The following SLC49A4 variants were observed in gnomAD, a reference collection of about 807,000 sequenced individuals.
SLC49A4 encodes solute carrier family 49 member 4.
A neutral mutation model predicts 50.6 loss-of-function variants in SLC49A4; 36 were observed. The observed-to-expected ratio is 0.71, with a 90% CI of 0.55 to 0.94. The LOEUF (loss-of-function observed/expected upper bound fraction) is 0.94. SLC49A4 is among the 40% of genes least tolerant of loss of function. The pLI, the probability that SLC49A4 is intolerant of heterozygous loss-of-function variation, is 0.00. For missense variants in SLC49A4, 503 were observed against 605.7 expected, an observed-to-expected ratio of 0.83 and a Z score of 1.78; for synonymous variants, 248 against 241.2, an observed-to-expected ratio of 1.03 and a Z score of -0.26.
At chr3:122,810,896 A>G (rs1270833229) in intron 2 of SLC49A4, among the ~76,000 whole-genome samples, 1 of 152,216 alleles carries the variant, frequency 6.6e-6, no homozygotes, top group Non-Finnish European at 1.5e-5. Flanking sequence ...AAACAGGAAG[A>G]AGAACCTAGA....
Position 122,872,444 on chromosome 3 carries a change from G to A in SLC49A4, c.1168G>A (p.Gly390Arg). ...VTLYASCILL[G>R]VFLNSSVPIF... Reference sequence around the variant, plus strand: ...ATTGTATGCCTCCTGTATTCTCCTGGGAGTGTTCTTGAATAGCAGCGTGCC... The same window carrying A: ...ATTGTATGCCTCCTGTATTCTCCTGAGAGTGTTCTTGAATAGCAGCGTGCC... The change falls in exon 8 of 9, where the codon GGA becomes AGA. Residue 390 changes from glycine (G) to arginine (R), a missense_variant. By Grantham distance (125) the Gly-to-Arg change is moderately radical. Transcript: ENST00000261038. 6.2e-7 allele frequency: 1 copy of A among 1,613,502 alleles called. No homozygotes were observed. The highest frequency in any genetic ancestry group is 1.3e-5 in the African/African-American group (1 of 74,984).
At chr3:122,808,357 A>G (rs1936252490) in intron 2 of SLC49A4, among the ~76,000 whole-genome samples, 1 of 152,224 alleles carries the variant, frequency 6.6e-6, no homozygotes. Flanking sequence ...AGGCGAGGAA[A>G]GGATGGTGAG....
chr3:122,808,440 C>T (rs1936253780), intron 2 of SLC49A4, among the ~76,000 whole-genome samples: 1 of 152,064 alleles, frequency 6.6e-6, no homozygotes, highest in Non-Finnish European at 1.5e-5. Context: ...ATGGATGATG[C>T]AGTATCTAGG....
intron 8 of SLC49A4, among the ~76,000 whole-genome samples, chr3:122,876,930 G>A (rs6780615): frequency 0.51 from 77,672 of 152,080 alleles, 22,028 homozygotes; most frequent in Non-Finnish European, 0.65. Flanking sequence ...GAGACACAGC[G>A]GAAGTATGGG....
intron 2 of SLC49A4, among the ~76,000 whole-genome samples, chr3:122,813,292 C>A (rs187880573): frequency 4.6e-4 from 69 of 150,090 alleles, no homozygotes; most frequent in African/African-American, 1.6e-3. Flanking sequence ...TTGGAAAACT[C>A]TTTTTTTAAC....
chr3:122,843,981 A>G (rs1197161116), intron 4 of SLC49A4, among the ~76,000 whole-genome samples: 1 of 152,100 alleles, frequency 6.6e-6, no homozygotes, highest in African/African-American at 2.4e-5. Context: ...ACTCATTCTC[A>G]TTGTGTACCC....
At chr3:122,819,243 C>CAA (rs777101254) in intron 2 of SLC49A4, among the ~76,000 whole-genome samples, 1,175 of 100,242 alleles carry the variant, frequency 0.012, 24 homozygotes, top group African/African-American at 0.025. Context: ...GACCCTGCCT[C>CAA]AAAAAAAAAA....
At chr3:122,868,836 T>C (rs1937155604) in intron 7 of SLC49A4, among the ~76,000 whole-genome samples, 1 of 152,228 alleles carries the variant, frequency 6.6e-6, no homozygotes, top group Non-Finnish European at 1.5e-5. Flanking sequence ...ACTGAGACAA[T>C]TGAATGAAAA....
At chr3:122,855,414 A>G (rs1178819092) in intron 5 of SLC49A4, among the ~76,000 whole-genome samples, 1 of 152,228 alleles carries the variant, frequency 6.6e-6, no homozygotes, top group East Asian at 1.9e-4. Context: ...AATTTCATTC[A>G]TAACAACTAA....
intron 7 of SLC49A4, among the ~76,000 whole-genome samples, chr3:122,866,204 G>GT (rs34457229): frequency 0.088 from 10,827 of 123,474 alleles, 779 homozygotes; most frequent in African/African-American, 0.19. Context: ...AACTTTCGTT[G>GT]TTTTTTTTTT....
intron 2 of SLC49A4, among the ~76,000 whole-genome samples, chr3:122,825,951 T>C (rs1372237035): frequency 6.6e-6 from 1 of 152,074 alleles, no homozygotes; most frequent in African/African-American, 2.4e-5. Flanking sequence ...AGAGAACAAA[T>C]GGAATGGAAA....
intron 2 of SLC49A4, among the ~76,000 whole-genome samples, chr3:122,820,460 A>G (rs1213899758): frequency 6.6e-6 from 1 of 152,248 alleles, no homozygotes; most frequent in East Asian, 1.9e-4. Context: ...AAAACATCAT[A>G]TTATTTAAGT....
Position 122,843,032 on chromosome 3 carries a change from T to G in SLC49A4, c.834-2731T>G, listed in dbSNP as rs527260948. Among the ~76,000 whole-genome samples, 9 of 152,308 alleles carry G rather than the reference T, an allele frequency of 5.9e-5. No homozygotes were observed. In the South Asian group the frequency reaches 1.9e-3, roughly 32 times the overall value. ...CATCTACTTTTTTTACGTTTATATT[T>G]CCTTCTCCCATTTCCCTCCCCCAAC... On this transcript the variant is annotated intron_variant, in intron 4 of 8. Transcript: ENST00000261038.
At chr3:122,867,697 T>G (rs1937136662) in intron 7 of SLC49A4, among the ~76,000 whole-genome samples, 1 of 152,204 alleles carries the variant, frequency 6.6e-6, no homozygotes, top group Admixed American at 6.5e-5. Flanking sequence ...AAAAATGTAT[T>G]CAGGCTAGGC....
At chr3:122,800,444 C>T (rs1936114539) in intron 1 of SLC49A4, among the ~76,000 whole-genome samples, 1 of 152,162 alleles carries the variant, frequency 6.6e-6, no homozygotes, top group African/African-American at 2.4e-5. Context: ...TAAAGGGCAG[C>T]AGAGAAATAG....
intron 7 of SLC49A4, among the ~76,000 whole-genome samples, chr3:122,861,470 G>A (rs1463655830): frequency 6.6e-6 from 1 of 152,186 alleles, no homozygotes; most frequent in Non-Finnish European, 1.5e-5. Context: ...TTATTTGGTA[G>A]ATTGTAAGAT....
chr3:122,798,605 G>C (rs1936084970), intron 1 of SLC49A4, among the ~76,000 whole-genome samples: 1 of 131,198 alleles, frequency 7.6e-6, no homozygotes, highest in Admixed American at 7.5e-5. Context: ...GTTCTTTCTT[G>C]CTTCTGGCAT....
chr3:122,804,303 G>A (rs1217799585), intron 1 of SLC49A4, among the ~76,000 whole-genome samples: 1 of 152,178 alleles, frequency 6.6e-6, no homozygotes, highest in African/African-American at 2.4e-5. Flanking sequence ...CATCACCAAG[G>A]GGATGGCCCA....
chr3:122,869,559 A>G (rs930009768), intron 7 of SLC49A4, among the ~76,000 whole-genome samples: 3 of 151,998 alleles, frequency 2.0e-5, no homozygotes, highest in Non-Finnish European at 4.4e-5. Context: ...CTATACCTGC[A>G]TAGCAGTAGG....
Sources: gnomAD v4.1 joint callset for allele counts (sites outside exome capture counted in the v4.1 genomes callset) on GRCh38, gnomAD v4.1.1 for gene constraint, MANE v1.5 for transcripts, NCBI Gene and HGNC (gene_info 2026-07-23, HGNC 2026-07-21) for gene names.